The following SORCS2 variants were observed in gnomAD, a reference collection of about 807,000 sequenced individuals.
SORCS2 encodes sortilin related VPS10 domain containing receptor 2, also known as VPS10 domain-containing receptor SorCS2.
Under a neutral mutation model 141.6 loss-of-function variants are expected in SORCS2, and 100 were observed. The ratio of observed to expected loss-of-function variants is 0.71; its 90% CI spans 0.60 to 0.83. The LOEUF (loss-of-function observed/expected upper bound fraction) is 0.83, where lower values mean the gene tolerates loss of function less well. Ranked by LOEUF, SORCS2 falls within the 40% of genes least tolerant of loss-of-function variation. The pLI is 0.00. For missense variants in SORCS2, 1,646 were observed against 1,560.2 expected, an observed-to-expected ratio of 1.05 and a Z score of -0.93; for synonymous variants, 789 against 676.9, an observed-to-expected ratio of 1.17 and a Z score of -2.57.
intron 2 of SORCS2, among the ~76,000 whole-genome samples, chr4:7,447,451 C>G (rs73086381): frequency 0.13 from 19,810 of 152,206 alleles, 2,368 homozygotes; most frequent in African/African-American, 0.33. Flanking sequence ...AACACTGAGG[C>G]TTAGGGAAGT....
intron 5 of SORCS2, among the ~76,000 whole-genome samples, chr4:7,656,819 C>T (rs916856529): frequency 1.3e-5 from 2 of 152,226 alleles, no homozygotes; most frequent in African/African-American, 4.8e-5. Flanking sequence ...CTCCCCACTA[C>T]AGCCTTGATG....
intron 1 of SORCS2, among the ~76,000 whole-genome samples, chr4:7,383,016 C>T (rs1006692368): frequency 6.6e-6 from 1 of 151,994 alleles, no homozygotes. Context: ...TAAAATACAC[C>T]TTCTGATATT....
intron 11 of SORCS2, among the ~76,000 whole-genome samples, chr4:7,693,569 C>G (rs1724395190): frequency 6.6e-6 from 1 of 152,240 alleles, no homozygotes; most frequent in South Asian, 2.1e-4. Flanking sequence ...GTCTGTGTCC[C>G]AGCTGATCAT....
At chr4:7,422,778 T>A (rs1470554122) in intron 2 of SORCS2, among the ~76,000 whole-genome samples, 1 of 152,122 alleles carries the variant, frequency 6.6e-6, no homozygotes, top group African/African-American at 2.4e-5. Flanking sequence ...GCGCCTGCCC[T>A]TGTCCCCGAG....
rs769005426 is a variant in SORCS2 at position 7,594,994 on chromosome 4, A to T, written c.649-43334A>T. 4.6e-5 allele frequency among the ~76,000 whole-genome samples: 7 copies of T among 152,092 alleles called. No homozygotes were observed. In the South Asian group the frequency reaches 1.5e-3, roughly 32 times the overall value. The stretch of plus-strand genomic sequence containing the variant: ...GCTGGGTGTCCCACAGCTCAGTTCA[A>T]TTCTGACACCATCCACCTTGACTTA... On this transcript the variant is annotated intron_variant, in intron 3 of 26. Transcript: ENST00000507866.
Position 7,193,394 on chromosome 4 carries a change from C to T in SORCS2, c.480+268C>T, listed in dbSNP as rs897004504. Among the ~76,000 whole-genome samples the T allele has an allele frequency of 6.6e-6, 1 of 152,218 alleles. No homozygotes were observed. Among genetic ancestry groups the T allele is most frequent in the African/African-American group, 2.4e-5 (1 of 41,464 alleles). ...GATCCTGGGCCACCTCCGATACTCC[C>T]CCACTGGCCTCCAGGTCTTGGGTTA... is the stretch of plus-strand genomic sequence containing the variant. On this transcript the variant is annotated intron_variant, in intron 1 of 26. Transcript: ENST00000507866. The surrounding 1 kb of genome is among the most constrained non-coding windows in gnomAD (Gnocchi z 4.8).
At chr4:7,540,020 G>A (rs13151786) in intron 3 of SORCS2, among the ~76,000 whole-genome samples, 49,002 of 81,994 alleles carry the variant, frequency 0.6, 15,634 homozygotes, top group East Asian at 0.83. Flanking sequence ...TGGAGGCCCC[G>A]CCCCCTTTCT....
chr4:7,692,568 C>CACTG (rs1724323300), intron 11 of SORCS2, among the ~76,000 whole-genome samples: 1 of 152,190 alleles, frequency 6.6e-6, no homozygotes, highest in Admixed American at 6.5e-5. Flanking sequence ...CCATGCCAGG[C>CACTG]ACTGCACTGG....
intron 24 of SORCS2, among the ~76,000 whole-genome samples, 167 bp from the exon 25 acceptor site, chr4:7,734,105 G>T (rs1191270532): frequency 6.8e-6 from 1 of 146,156 alleles, no homozygotes; most frequent in Admixed American, 7.0e-5. Context: ...GAGGGAATGG[G>T]AATGGGCTGA....
At chr4:7,591,678 T>A (rs1322162378) in intron 3 of SORCS2, among the ~76,000 whole-genome samples, 1 of 152,152 alleles carries the variant, frequency 6.6e-6, no homozygotes, top group East Asian at 1.9e-4. Flanking sequence ...AGGGGGGTGT[T>A]AGCTCTGAAG....
chr4:7,596,699 G>T (rs760310601), intron 3 of SORCS2, among the ~76,000 whole-genome samples: 5 of 152,142 alleles, frequency 3.3e-5, no homozygotes, highest in Admixed American at 6.5e-5. Flanking sequence ...TCCTGGCAGG[G>T]CGAGGGTGGA....
At chr4:7,342,139 A>G (rs13109531) in intron 1 of SORCS2, among the ~76,000 whole-genome samples, 72,967 of 152,030 alleles carry the variant, frequency 0.48, 18,409 homozygotes, top group African/African-American at 0.64. Flanking sequence ...GGTATTTGGG[A>G]AAGGCCTCGC....
intron 2 of SORCS2, among the ~76,000 whole-genome samples, chr4:7,418,633 C>T (rs137873824): frequency 4.6e-5 from 7 of 152,186 alleles, no homozygotes; most frequent in East Asian, 1.9e-4. Flanking sequence ...AAGCTGTGCC[C>T]TCTGCGGGAT....
At chr4:7,431,955 CG>C in intron 2 of SORCS2, 1 of 152,408 alleles carries the variant, frequency 6.6e-6, no homozygotes, top group African/African-American at 2.4e-5. Context: ...CTTCCACCCC[CG>C]GGACTCATGT....
At chr4:7,287,843 A>T (rs1716331687) in intron 1 of SORCS2, among the ~76,000 whole-genome samples, 1 of 152,052 alleles carries the variant, frequency 6.6e-6, no homozygotes, top group East Asian at 1.9e-4. Context: ...GGTGGTTTTT[A>T]CTTTGAAGGA....
Position 7,531,573 on chromosome 4 carries a change from C to T in SORCS2, c.592C>T (p.Pro198Ser). 1 of 1,613,910 alleles carries T rather than the reference C, an allele frequency of 6.2e-7. No individual in the cohort carries two copies. The highest frequency in any genetic ancestry group is 8.5e-7 in the Non-Finnish European group (1 of 1,179,862). Reference protein sequence around the residue: ...GTSYTKLTLQPGVTTVIDNFY... With the variant: ...GTSYTKLTLQSGVTTVIDNFY... ...GTCCTACACCAAGCTCACCCTCCAG[C>T]CTGGTGTCACCACCGTCATCGACAA... The change falls in exon 3 of 27, where the codon CCT becomes TCT. Residue 198 changes from proline (P) to serine (S), a missense_variant. Transcript: ENST00000507866.
chr4:7,630,306 G>A (rs1719803255), intron 3 of SORCS2, among the ~76,000 whole-genome samples: 1 of 152,196 alleles, frequency 6.6e-6, no homozygotes, highest in Admixed American at 6.5e-5. Context: ...GGCCCCAGCA[G>A]GAACGAACCT....
At chr4:7,562,939 A>G (rs1379405263) in intron 3 of SORCS2, among the ~76,000 whole-genome samples, 1 of 152,198 alleles carries the variant, frequency 6.6e-6, no homozygotes, top group African/African-American at 2.4e-5. Context: ...TTCACTAATT[A>G]TATCTGCAAA....
chr4:7,626,605 G>T (rs373602119), intron 3 of SORCS2, among the ~76,000 whole-genome samples: 5 of 152,304 alleles, frequency 3.3e-5, no homozygotes, highest in East Asian at 3.9e-4. Flanking sequence ...TATCATATGT[G>T]TGTACGTATT....
Sources: allele counts gnomAD v4.1 joint callset (sites outside exome capture counted in the v4.1 genomes callset), GRCh38; gene constraint gnomAD v4.1.1; non-coding constraint Gnocchi (gnomAD v3.1); transcripts MANE v1.5; gene names NCBI Gene and HGNC (gene_info 2026-07-23, HGNC 2026-07-21).